The following CNTNAP2 variants were observed in gnomAD, a reference collection of about 807,000 sequenced individuals.
CNTNAP2 encodes contactin associated protein 2.
CNTNAP2 carries 98 observed loss-of-function variants against 155.2 expected under a neutral mutation model. The ratio of observed to expected loss-of-function variants is 0.63; its 90% CI spans 0.54 to 0.75. The LOEUF (loss-of-function observed/expected upper bound fraction) is 0.75, where lower values mean the gene tolerates loss of function less well. CNTNAP2 is among the 30% of genes least tolerant of loss of function. The pLI is 0.00. For missense variants in CNTNAP2, 1,727 were observed against 1,688.1 expected, an observed-to-expected ratio of 1.02 and a Z score of -0.40; for synonymous variants, 651 against 631.2, an observed-to-expected ratio of 1.03 and a Z score of -0.47.
chr7:148,157,013 T>A (rs986113411), intron 17 of CNTNAP2, among the ~76,000 whole-genome samples: 1 of 152,204 alleles, frequency 6.6e-6, no homozygotes, highest in African/African-American at 2.4e-5. Flanking sequence ...TGGGAACGCT[T>A]CAGCAATGAC....
rs1307348637 is a variant in CNTNAP2, at chr7:147,546,192, G to A, written c.1778-15946G>A. Among the ~76,000 whole-genome samples, 10 of 152,026 alleles carry A rather than the reference G, an allele frequency of 6.6e-5. 2 individuals are homozygous for A. The South Asian group carries it at 1.0e-3, about 16-fold the overall frequency. The stretch of plus-strand genomic sequence containing the variant: ...ATCAGACCCAGAATCATGGTGGGAG[G>A]GCCCTGACAAGAGCACAGATGAGAG... On this transcript the variant is annotated intron_variant, in intron 11 of 23. Transcript: ENST00000361727.
At chr7:147,273,182 C>T (rs921194834) in intron 8 of CNTNAP2, among the ~76,000 whole-genome samples, 2 of 152,084 alleles carry the variant, frequency 1.3e-5, no homozygotes, top group African/African-American at 4.8e-5. Flanking sequence ...GGATTGAATT[C>T]ACCTTATCAC....
chr7:147,940,787 C>T (rs1298040438), intron 14 of CNTNAP2, among the ~76,000 whole-genome samples: 2 of 152,158 alleles, frequency 1.3e-5, no homozygotes, highest in Non-Finnish European at 2.9e-5. Flanking sequence ...ATCCTCCCAC[C>T]TCGGGCACCA....
intron 21 of CNTNAP2, among the ~76,000 whole-genome samples, chr7:148,351,915 A>AC (rs774758595): frequency 2.0e-5 from 3 of 151,832 alleles, no homozygotes; most frequent in Non-Finnish European, 4.4e-5. Context: ...TCAATATGTG[A>AC]CCCCTACCTC....
chr7:146,646,629 C>G (rs2129162686), intron 1 of CNTNAP2, among the ~76,000 whole-genome samples: 1 of 152,272 alleles, frequency 6.6e-6, no homozygotes, highest in Non-Finnish European at 1.5e-5. Context: ...GACATATTCT[C>G]AAATTTTCTG....
At chr7:148,094,409 G>A (rs967435090) in intron 15 of CNTNAP2, among the ~76,000 whole-genome samples, 1 of 152,228 alleles carries the variant, frequency 6.6e-6, no homozygotes, top group Non-Finnish European at 1.5e-5. Flanking sequence ...AAGGAAGACA[G>A]AAGTTGAATG....
chr7:146,844,844 G>C (rs1240384193), intron 3 of CNTNAP2, among the ~76,000 whole-genome samples: 1 of 152,018 alleles, frequency 6.6e-6, no homozygotes, highest in Admixed American at 6.6e-5. Context: ...AAACAGTTTT[G>C]ATCCATTTTG....
intron 15 of CNTNAP2, among the ~76,000 whole-genome samples, chr7:148,070,683 A>G (rs151117593): frequency 0.041 from 6,177 of 152,274 alleles, 213 homozygotes; most frequent in Admixed American, 0.11. Context: ...ACACCACTGC[A>G]CTCCAGCCTG....
intron 1 of CNTNAP2, among the ~76,000 whole-genome samples, chr7:146,768,269 C>G (rs1012394309): frequency 1.1e-4 from 17 of 151,562 alleles, no homozygotes; most frequent in Middle Eastern, 3.4e-3. Flanking sequence ...GAACGAAAAG[C>G]TCTTCTATGG....
At chr7:147,008,056 G>C (rs939686292) in intron 3 of CNTNAP2, among the ~76,000 whole-genome samples, 3 of 152,046 alleles carry the variant, frequency 2.0e-5, no homozygotes, top group Non-Finnish European at 4.4e-5. Flanking sequence ...ATCCACTAAG[G>C]AAACACCTAA....
At chr7:146,292,373 A>AC (rs1800443242) in intron 1 of CNTNAP2, among the ~76,000 whole-genome samples, 1 of 152,224 alleles carries the variant, frequency 6.6e-6, no homozygotes, top group Non-Finnish European at 1.5e-5. Flanking sequence ...TGATAGGTGC[A>AC]GCAAACTACC....
intron 1 of CNTNAP2, among the ~76,000 whole-genome samples, chr7:146,722,711 A>AATATAT (rs150174989): frequency 1.2e-3 from 177 of 149,172 alleles, no homozygotes; most frequent in African/African-American, 4.0e-3. Flanking sequence ...ACACACACAA[A>AATATAT]ATATATATAT....
chr7:147,777,842 C>T (rs768317026), intron 13 of CNTNAP2, among the ~76,000 whole-genome samples: 1 of 152,176 alleles, frequency 6.6e-6, no homozygotes, highest in Non-Finnish European at 1.5e-5. Context: ...CCTGCAATTT[C>T]TCTAAGTGCA....
At chr7:146,803,091 G>A (rs1306293100) in intron 2 of CNTNAP2, among the ~76,000 whole-genome samples, 1 of 152,146 alleles carries the variant, frequency 6.6e-6, no homozygotes, top group Non-Finnish European at 1.5e-5. Context: ...TAAATGCCAG[G>A]AATTGAGAGC....
intron 3 of CNTNAP2, among the ~76,000 whole-genome samples, chr7:146,862,313 G>A (rs1242730872): frequency 6.6e-6 from 1 of 151,992 alleles, no homozygotes; most frequent in Non-Finnish European, 1.5e-5. Context: ...AAGAGCTGTA[G>A]CATTTGGACC....
At chr7:147,517,006 C>T (rs527558962) in intron 11 of CNTNAP2, among the ~76,000 whole-genome samples, 19 of 151,746 alleles carry the variant, frequency 1.3e-4, no homozygotes, top group African/African-American at 4.1e-4. Context: ...GGATTGCAGG[C>T]ACCCACCACC....
At chr7:146,384,327 G>A (rs1277867155) in intron 1 of CNTNAP2, among the ~76,000 whole-genome samples, 3 of 152,122 alleles carry the variant, frequency 2.0e-5, no homozygotes, top group African/African-American at 7.2e-5. Context: ...GATCAGTGGA[G>A]CACAAGACTC....
At position 146,404,141 on chromosome 7, in the gene CNTNAP2, A is replaced by AAAAAAAAAAAAAAAAC. The variant is rs1367526173; in HGVS notation, c.97+287169_97+287170insAAAAAAAAAAAAAACA. Among the ~76,000 whole-genome samples the AAAAAAAAAAAAAAAAC allele has an allele frequency of 7.2e-4, 106 of 147,434 alleles. 6 individuals are homozygous for AAAAAAAAAAAAAAAAC. Among genetic ancestry groups the AAAAAAAAAAAAAAAAC allele is most frequent in the African/African-American group, 2.6e-3 (100 of 37,766 alleles). ...CTCCGTCTCAAAAAAAAAAAAAAAAAACAAAGAACTTGGCCTCTTGGTTTT... is the reference window on the plus strand; with the variant it reads ...CTCCGTCTCAAAAAAAAAAAAAAAAAAAAAAAAAAAAAAAACACAAAGAACTTGGCCTCTTGGTTTT... On this transcript the variant is annotated intron_variant, in intron 1 of 23. Coordinates refer to ENST00000361727, the MANE Select transcript of CNTNAP2 (RefSeq NM_014141.6).
chr7:147,774,959 C>T (rs1224069297), intron 13 of CNTNAP2, among the ~76,000 whole-genome samples: 1 of 151,822 alleles, frequency 6.6e-6, no homozygotes, highest in Admixed American at 6.6e-5. Flanking sequence ...AACCACGTGG[C>T]AGTTCAGTGC....
Sources: allele counts gnomAD v4.1 joint callset (sites outside exome capture counted in the v4.1 genomes callset), GRCh38; gene constraint gnomAD v4.1.1; transcripts MANE v1.5; gene names NCBI Gene and HGNC (gene_info 2026-07-23, HGNC 2026-07-21).